Variants in MTBP observed in about 807,000 individuals in gnomAD.
The protein encoded by MTBP is mdm2-binding protein.
In MTBP, 101 loss-of-function variants were observed where a neutral mutation model predicts 117.0. That is an observed-to-expected ratio of 0.86 (90% CI 0.73 to 1.02). The LOEUF (loss-of-function observed/expected upper bound fraction) is 1.02, where lower values mean the gene tolerates loss of function less well. Among genes scored for constraint, MTBP ranks in the 50% least tolerant of loss-of-function variants. The probability of loss-of-function intolerance (pLI) is 0.00; values close to 1 mark genes in which losing one functional copy is unlikely to be tolerated. For synonymous variants in MTBP, 350 were observed against 351.5 expected (o/e 1.00, Z 0.05); for missense variants, 970 against 1,030.9 (o/e 0.94, Z 0.81).
chr8:120,461,272 A>C lies in MTBP; in HGVS notation c.977+17A>C. 6.7e-7 allele frequency: 1 copy of C among 1,503,400 alleles called. No homozygotes were observed. The highest frequency in any genetic ancestry group is 9.2e-7 in the Non-Finnish European group (1 of 1,082,278). The allele number at this position is 1,503,400 out of a possible 1,614,324, so 93.1% of individuals were successfully genotyped here. ...ATTTGAGTTGTATCCTTTCATTTAC[A>C]TGTTCATTTTAGATTACATTTTCTG... On this transcript the variant is annotated intron_variant, in intron 9 of 21. Coordinates refer to ENST00000305949, the MANE Select transcript of MTBP (RefSeq NM_022045.5).
intron 12 of MTBP, among the ~76,000 whole-genome samples, chr8:120,488,580 A>T (rs984386613): frequency 1.3e-5 from 2 of 152,154 alleles, no homozygotes; most frequent in African/African-American, 4.8e-5. Context: ...CAATTCTAAA[A>T]ATGAAATTTT....
intron 11 of MTBP, among the ~76,000 whole-genome samples, chr8:120,480,443 C>T (rs1368642322): frequency 6.6e-6 from 1 of 151,866 alleles, no homozygotes; most frequent in Non-Finnish European, 1.5e-5. Context: ...CAAACTGATC[C>T]TAAATTTATA....
At chr8:120,457,718 A>G (rs1376611011) in intron 7 of MTBP, among the ~76,000 whole-genome samples, 2 of 152,168 alleles carry the variant, frequency 1.3e-5, no homozygotes, top group Middle Eastern at 3.4e-3. Context: ...AGGTCAGGAG[A>G]TCGAGACCAT....
At chr8:120,495,963 C>T (rs555907778) in intron 13 of MTBP, among the ~76,000 whole-genome samples, 16 of 151,976 alleles carry the variant, frequency 1.1e-4, no homozygotes, top group African/African-American at 3.4e-4. Context: ...ACCCACTTCT[C>T]CCCCCCAACA....
intron 13 of MTBP, among the ~76,000 whole-genome samples, chr8:120,494,574 A>G (rs192477520): frequency 3.2e-4 from 48 of 152,304 alleles, no homozygotes; most frequent in African/African-American, 1.1e-3. Flanking sequence ...TTGATTTACT[A>G]GTTTCAGGCA....
intron 11 of MTBP, among the ~76,000 whole-genome samples, chr8:120,485,396 T>C (rs982704445): frequency 6.6e-6 from 1 of 152,206 alleles, no homozygotes; most frequent in Non-Finnish European, 1.5e-5. Context: ...CTTTGAATTA[T>C]TAGTGTCTAA....
At chr8:120,480,081 A>G (rs1814042037) in intron 11 of MTBP, among the ~76,000 whole-genome samples, 1 of 152,166 alleles carries the variant, frequency 6.6e-6, no homozygotes. Context: ...GGAGAGATGT[A>G]CCATATTTAG....
rs533740653 is a variant in MTBP at position 120,520,035 on chromosome 8, TCTCTGC to T, written c.2610+1219_2610+1224del. Among the ~76,000 whole-genome samples the T allele has an allele frequency of 2.7e-3, 416 of 152,234 alleles. 1 individual carries two copies. Among genetic ancestry groups the T allele is most frequent in the Admixed American group, 4.8e-3 (73 of 15,252 alleles). On this transcript the variant is annotated intron_variant, in intron 20 of 21. Coordinates refer to ENST00000305949, the MANE Select transcript of MTBP (RefSeq NM_022045.5). ...TACCTTGAAAAGAAACCAGTGACAATCTCTGCACAGAGTTTCCAGTCAGATTTTTAG... is the reference window on the plus strand; with the variant it reads ...TACCTTGAAAAGAAACCAGTGACAATACAGAGTTTCCAGTCAGATTTTTAG...
At chr8:120,477,099 A>C (rs1813958486) in intron 11 of MTBP, among the ~76,000 whole-genome samples, 1 of 152,180 alleles carries the variant, frequency 6.6e-6, no homozygotes, top group Non-Finnish European at 1.5e-5. Flanking sequence ...ATAACGCCAC[A>C]CATCTACAAC....
At chr8:120,463,847 T>C in intron 10 of MTBP, 86 bp downstream of exon 10, 1 of 1,253,716 alleles carries the variant, frequency 8.0e-7, no homozygotes, top group Non-Finnish European at 1.1e-6. Context: ...ATGTAACTTA[T>C]TAATCTGTTT....
At chr8:120,490,671 T>C in intron 13 of MTBP, 101 bp downstream of exon 13, 2 of 658,126 alleles carry the variant, frequency 3.0e-6, no homozygotes, top group South Asian at 4.3e-5. Flanking sequence ...AGTTTATCTT[T>C]TAGTTATGCT....
At chr8:120,503,668 T>C (rs1255364707) in intron 15 of MTBP, among the ~76,000 whole-genome samples, 1 of 152,072 alleles carries the variant, frequency 6.6e-6, no homozygotes, top group African/African-American at 2.4e-5. Context: ...TTGCAAAAAT[T>C]TTGCTTTCTT....
intron 16 of MTBP, among the ~76,000 whole-genome samples, chr8:120,508,473 G>A (rs552115209): frequency 6.6e-6 from 1 of 152,160 alleles, no homozygotes; most frequent in Admixed American, 6.5e-5. Context: ...TCGAAATACT[G>A]GGGTCATTGT....
At chr8:120,505,708 T>C (rs1366848181) in intron 15 of MTBP, among the ~76,000 whole-genome samples, 2 of 152,218 alleles carry the variant, frequency 1.3e-5, no homozygotes, top group African/African-American at 2.4e-5. Flanking sequence ...ATTTTATTTA[T>C]GCTATGGTAA....
intron 9 of MTBP, among the ~76,000 whole-genome samples, 171 bp downstream of exon 9, chr8:120,461,426 G>C (rs1199237439): frequency 6.6e-6 from 1 of 152,096 alleles, no homozygotes; most frequent in East Asian, 1.9e-4. Context: ...AGTTGCTGGG[G>C]AAGGAAGTTC....
At chr8:120,495,938 A>C (rs1405645297) in intron 13 of MTBP, among the ~76,000 whole-genome samples, 1 of 151,864 alleles carries the variant, frequency 6.6e-6, no homozygotes, top group Non-Finnish European at 1.5e-5. Flanking sequence ...TTAGTTTGGG[A>C]TTCCAATGAA....
Position 120,510,015 on chromosome 8 carries a change from T to A in MTBP, c.1965T>A (p.His655Gln). The stretch of plus-strand genomic sequence containing the variant: ...CTTTTGAGAAAGCCTCAGTATGTCA[T>A]TATCATGGAATTGAGTAAGTTTTTA... The part of the protein sequence containing the change: ...VLPFEKASVC[H>Q]YHGIEYCLDD... The change falls in exon 17 of 22, where the codon CAT (histidine) becomes CAA (glutamine). Residue 655 changes from histidine (H) to glutamine (Q), a missense_variant. His to Gln is a conservative substitution (Grantham distance 24). Coordinates refer to ENST00000305949, the MANE Select transcript of MTBP (RefSeq NM_022045.5). The A allele has an allele frequency of 6.2e-7, 1 of 1,609,612 alleles. No individual in the cohort carries two copies. Among genetic ancestry groups the A allele is most frequent in the East Asian group, 2.2e-5 (1 of 44,742 alleles).
chr8:120,451,132 T>C (rs144774677), intron 3 of MTBP, 39 bp from the exon 4 acceptor site: 1 of 1,576,668 alleles, frequency 6.3e-7, no homozygotes, highest in East Asian at 2.2e-5. Flanking sequence ...ATAAATAATT[T>C]CATGATCCAT....
At position 120,463,769 on chromosome 8, in the gene MTBP, G is replaced by C. The variant is rs1057268643; in HGVS notation, c.1047+8G>C. 16 of 1,608,010 alleles carry C rather than the reference G, an allele frequency of 1.0e-5. No homozygotes were observed. The highest frequency in any genetic ancestry group is 5.1e-5 in the Admixed American group (3 of 59,150). Reference sequence around the variant, plus strand: ...TCTTCTCTGTGTAGCAAGGTATTGAGGGTTTCTTGGGGGTTTTTTGTTTGT... The same window carrying C: ...TCTTCTCTGTGTAGCAAGGTATTGACGGTTTCTTGGGGGTTTTTTGTTTGT... On this transcript the variant is annotated splice_region_variant and intron_variant, in intron 10 of 21. Transcript: ENST00000305949.
Sources: gnomAD v4.1 joint callset for allele counts (sites outside exome capture counted in the v4.1 genomes callset) on GRCh38, gnomAD v4.1.1 for gene constraint, MANE v1.5 for transcripts, NCBI Gene and HGNC (gene_info 2026-07-23, HGNC 2026-07-21) for gene names.